Variants in AOAH observed in about 807,000 individuals in gnomAD.
The protein encoded by AOAH is acyloxyacyl hydrolase (neutrophil).
A neutral mutation model predicts 92.2 loss-of-function variants in AOAH; 64 were observed. The observed-to-expected ratio is 0.69, with a 90% CI of 0.57 to 0.86. AOAH has a LOEUF of 0.86. AOAH is among the 40% of genes least tolerant of loss of function. The pLI, the probability that AOAH is intolerant of heterozygous loss-of-function variation, is 0.00. For missense variants in AOAH, 656 were observed against 694.6 expected, an observed-to-expected ratio of 0.94 and a Z score of 0.62; for synonymous variants, 263 against 254.5, an observed-to-expected ratio of 1.03 and a Z score of -0.32.
At chr7:36,686,641 T>C in intron 2 of AOAH, 58 bp downstream of exon 2, 1 of 1,002,594 alleles carries the variant, frequency 1.0e-6, no homozygotes, top group Non-Finnish European at 1.4e-6. Context: ...GCAGTCATCA[T>C]GACTCATGAG....
At chr7:36,645,300 C>A (rs1265988996) in intron 4 of AOAH, among the ~76,000 whole-genome samples, 1 of 152,140 alleles carries the variant, frequency 6.6e-6, no homozygotes, top group African/African-American at 2.4e-5. Context: ...GAGAACAAAG[C>A]GGTCTGCAGC....
intron 1 of AOAH, among the ~76,000 whole-genome samples, chr7:36,719,973 G>A (rs1212368117): frequency 2.0e-5 from 3 of 151,610 alleles, no homozygotes; most frequent in Admixed American, 6.6e-5. Flanking sequence ...TTCTTGCTCA[G>A]ATGGGATGAT....
At chr7:36,629,549 C>T (rs1477648636) in intron 6 of AOAH, among the ~76,000 whole-genome samples, 3 of 152,216 alleles carry the variant, frequency 2.0e-5, no homozygotes, top group Non-Finnish European at 1.5e-5. Flanking sequence ...TGTCCTGATG[C>T]TCTCTGGATT....
At chr7:36,676,893 T>C (rs1304636906) in intron 2 of AOAH, among the ~76,000 whole-genome samples, 1 of 152,146 alleles carries the variant, frequency 6.6e-6, no homozygotes, top group Admixed American at 6.6e-5. Flanking sequence ...AAGAATGAAT[T>C]TGGACACTTA....
intron 11 of AOAH, 184 bp from the exon 12 acceptor site, chr7:36,594,614 A>G (rs1205151047): frequency 1.5e-6 from 1 of 672,504 alleles, no homozygotes; most frequent in South Asian, 1.6e-5. Context: ...GGAAGTCACA[A>G]TGATCAGCAC....
At chr7:36,588,371 T>C (rs2727796) in intron 12 of AOAH, among the ~76,000 whole-genome samples, 150,651 of 152,370 alleles carry the variant, frequency 0.99, 74,489 homozygotes, top group East Asian at 1. Flanking sequence ...CCACAGGGGT[T>C]CATGGACCAC....
intron 2 of AOAH, among the ~76,000 whole-genome samples, chr7:36,681,846 C>T (rs781340402): frequency 3.9e-5 from 6 of 151,966 alleles, no homozygotes; most frequent in African/African-American, 1.2e-4. Context: ...ATAGCAAGAC[C>T]GAAAACCCTC....
At chr7:36,577,330 C>G (rs1788584985) in intron 12 of AOAH, among the ~76,000 whole-genome samples, 2 of 152,096 alleles carry the variant, frequency 1.3e-5, no homozygotes, top group African/African-American at 2.4e-5. Context: ...TACCCTTTCT[C>G]CAGTCTCCTG....
intron 12 of AOAH, among the ~76,000 whole-genome samples, chr7:36,581,523 T>C (rs1788931724): frequency 6.6e-6 from 1 of 152,202 alleles, no homozygotes; most frequent in South Asian, 2.1e-4. Flanking sequence ...AGATGGGAAA[T>C]GGACACTGGA....
intron 19 of AOAH, among the ~76,000 whole-genome samples, chr7:36,526,292 G>A (rs1156794140): frequency 6.6e-6 from 1 of 152,170 alleles, no homozygotes; most frequent in Non-Finnish European, 1.5e-5. Context: ...TATTATGTCT[G>A]TGAGGGATAT....
intron 16 of AOAH, among the ~76,000 whole-genome samples, chr7:36,537,909 A>G (rs556488218): frequency 2.6e-5 from 4 of 151,806 alleles, no homozygotes; most frequent in Non-Finnish European, 5.9e-5. Flanking sequence ...ACTGGCCTAG[A>G]GAATCCACAG....
intron 6 of AOAH, among the ~76,000 whole-genome samples, chr7:36,626,170 C>G (rs1441079167): frequency 6.6e-6 from 1 of 152,034 alleles, no homozygotes; most frequent in Non-Finnish European, 1.5e-5. Context: ...CAAAGACAGA[C>G]AGATCAACAG....
intron 14 of AOAH, among the ~76,000 whole-genome samples, chr7:36,549,233 T>C (rs773456197): frequency 6.6e-6 from 1 of 152,216 alleles, no homozygotes; most frequent in African/African-American, 2.4e-5. Flanking sequence ...CAACTCTCTA[T>C]GCATTTTTAT....
At chr7:36,548,884 C>T (rs746265941) in intron 14 of AOAH, among the ~76,000 whole-genome samples, 198 bp from the exon 15 acceptor site, 1 of 152,134 alleles carries the variant, frequency 6.6e-6, no homozygotes, top group Non-Finnish European at 1.5e-5. Context: ...ATCCCACTTG[C>T]CTATTAGAGA....
chr7:36,679,746 C>G lies in AOAH; in HGVS notation c.224-5737G>C, dbSNP rs1404412409. On this transcript the variant is annotated intron_variant, in intron 2 of 20. Transcript: ENST00000617537. ...AATCTCAGCTCACTGCAACCTCCAC[C>G]TCCAGTGTTCAAGCAATTCTTCTGC... 3.9e-5 allele frequency among the ~76,000 whole-genome samples: 6 copies of G among 152,220 alleles called. No homozygotes were observed. The East Asian group carries it at 1.2e-3, about 29-fold the overall frequency.
At chr7:36,639,792 G>A (rs138461603) in intron 4 of AOAH, among the ~76,000 whole-genome samples, 179 of 152,300 alleles carry the variant, frequency 1.2e-3, no homozygotes, top group African/African-American at 4.1e-3. Flanking sequence ...TGAACCCCAC[G>A]GTGAATGACA....
rs752475489 is a variant in AOAH at position 36,594,369 on chromosome 7, C to T, written c.908G>A (p.Gly303Asp). 7.4e-6 allele frequency: 12 copies of T among 1,613,890 alleles called. No individual in the cohort carries two copies. The African/African-American group carries it at 1.2e-4, about 16-fold the overall frequency. ...TNELDWPQLS[G>D]ATGFLDSTVG... ...AGTGGAGTCCAGAAATCCTGTAGCA[C>T]CAGAGAGTTGGGGCCAGTCAAGCTC... The change falls in exon 12 of 21, where the codon GGT (glycine) becomes GAT (aspartate). Residue 303 changes from glycine (G) to aspartate (D), a missense_variant. Gly to Asp is a moderately conservative substitution (Grantham distance 94, BLOSUM62 -1). Coordinates refer to ENST00000617537, the MANE Select transcript of AOAH (RefSeq NM_001637.4).
chr7:36,681,758 G>T lies in AOAH; in HGVS notation c.223+4941C>A, dbSNP rs189381111. ...AGAGGTTGCAGTGAGCCGAGATTGC[G>T]CCACTGCACCTCAGCCTGGGTGACA... On this transcript the variant is annotated intron_variant, in intron 2 of 20. Coordinates refer to ENST00000617537, the MANE Select transcript of AOAH (RefSeq NM_001637.4). 3.4e-3 allele frequency among the ~76,000 whole-genome samples: 519 copies of T among 152,150 alleles called. 3 individuals carry two copies. The highest frequency in any genetic ancestry group is 0.012 in the African/African-American group (505 of 41,508).
At position 36,659,159 on chromosome 7, in the gene AOAH, C is replaced by T. The variant is rs762309345; in HGVS notation, c.390+7G>A. On this transcript the variant is annotated splice_region_variant and intron_variant, in intron 4 of 20. Coordinates refer to ENST00000617537, the MANE Select transcript of AOAH (RefSeq NM_001637.4). ...GAAACAGATGTTCAGAGTGATTACACACTCACCTTGGGAAGAGGGTAGAGA... is the reference window on the plus strand; with the variant it reads ...GAAACAGATGTTCAGAGTGATTACATACTCACCTTGGGAAGAGGGTAGAGA... The T allele has an allele frequency of 6.2e-7, 1 of 1,608,716 alleles. No individual in the cohort carries two copies.
Sources: gnomAD v4.1 joint callset for allele counts (sites outside exome capture counted in the v4.1 genomes callset) on GRCh38, gnomAD v4.1.1 for gene constraint, MANE v1.5 for transcripts, NCBI Gene and HGNC (gene_info 2026-07-23, HGNC 2026-07-21) for gene names.